DLGAP4: variants seen among roughly 807,000 people sequenced by gnomAD.
DLGAP4 encodes DLG associated protein 4.
In DLGAP4, 18 loss-of-function variants were observed where a neutral mutation model predicts 86.9. The ratio of observed to expected loss-of-function variants is 0.21; its 90% CI spans 0.14 to 0.31. DLGAP4 has a LOEUF of 0.31. Ranked by LOEUF, DLGAP4 falls within the 10% of genes least tolerant of loss-of-function variation. The probability of loss-of-function intolerance (pLI) is 1.00; values close to 1 mark genes in which losing one functional copy is unlikely to be tolerated. For synonymous variants in DLGAP4, 548 were observed against 574.3 expected (o/e 0.95, Z 0.65); for missense variants, 1,085 against 1,362.6 (o/e 0.80, Z 3.21).
intron 1 of DLGAP4, among the ~76,000 whole-genome samples, chr20:36,354,893 G>A (rs1407614268): frequency 2.0e-5 from 3 of 151,878 alleles, no homozygotes; most frequent in Admixed American, 6.6e-5. Context: ...AGTGAGCTAT[G>A]ATCACCCCAC....
At chr20:36,520,735 T>C (rs1262408142) in intron 10 of DLGAP4, among the ~76,000 whole-genome samples, 1 of 144,964 alleles carries the variant, frequency 6.9e-6, no homozygotes, top group Non-Finnish European at 1.5e-5. Flanking sequence ...CTTTATCTGC[T>C]TTTTTTTTTT....
At chr20:36,490,690 G>A (rs1431898573) in intron 7 of DLGAP4, among the ~76,000 whole-genome samples, 1 of 152,008 alleles carries the variant, frequency 6.6e-6, no homozygotes, top group Non-Finnish European at 1.5e-5. Context: ...AGTGTAGACC[G>A]CCTCTCCTTT....
intron 7 of DLGAP4, among the ~76,000 whole-genome samples, chr20:36,459,432 C>T (rs1600561046): frequency 6.6e-6 from 1 of 152,018 alleles, no homozygotes; most frequent in Non-Finnish European, 1.5e-5. Context: ...ATTGGAGTGC[C>T]GTGGCAGGAT....
At chr20:36,454,098 C>T (rs2147597225) in intron 7 of DLGAP4, among the ~76,000 whole-genome samples, 1 of 151,782 alleles carries the variant, frequency 6.6e-6, no homozygotes, top group South Asian at 2.1e-4. Flanking sequence ...TGGCAAAACC[C>T]CGTCTCTACT....
chr20:36,399,341 C>T (rs2032089168), intron 2 of DLGAP4, among the ~76,000 whole-genome samples: 3 of 152,248 alleles, frequency 2.0e-5, no homozygotes. Context: ...CAAGTCACTT[C>T]CACCCGAAGA....
intron 7 of DLGAP4, among the ~76,000 whole-genome samples, chr20:36,460,808 T>G (rs1279661852): frequency 6.6e-6 from 1 of 152,082 alleles, no homozygotes; most frequent in African/African-American, 2.4e-5. Flanking sequence ...ATCGTAGGTG[T>G]GCTTGTTGTT....
At chr20:36,478,139 G>A (rs1011667556) in intron 7 of DLGAP4, among the ~76,000 whole-genome samples, 3 of 152,188 alleles carry the variant, frequency 2.0e-5, no homozygotes, top group Admixed American at 2.0e-4. Context: ...TGACTTTCAT[G>A]GTGATCATCT....
intron 1 of DLGAP4, among the ~76,000 whole-genome samples, chr20:36,318,970 CCT>C (rs2065139390): frequency 6.6e-6 from 1 of 151,898 alleles, no homozygotes; most frequent in Non-Finnish European, 1.5e-5. Flanking sequence ...GAGGTGAAAC[CCT>C]GTCTCTACTA....
intron 7 of DLGAP4, among the ~76,000 whole-genome samples, chr20:36,454,086 C>T (rs1371446582): frequency 6.6e-6 from 1 of 151,814 alleles, no homozygotes; most frequent in Non-Finnish European, 1.5e-5. Flanking sequence ...GAATGGCCAA[C>T]ATGGCAAAAC....
At chr20:36,351,663 C>G (rs955224615) in intron 1 of DLGAP4, among the ~76,000 whole-genome samples, 4 of 152,118 alleles carry the variant, frequency 2.6e-5, no homozygotes, top group South Asian at 4.1e-4. Flanking sequence ...ACCAGCCCCC[C>G]TCATCTGTGG....
chr20:36,500,219 G>A lies in DLGAP4; in HGVS notation c.2120G>A (p.Ser707Asn), dbSNP rs1382507901. 3 of 1,542,338 alleles carry A rather than the reference G, an allele frequency of 1.9e-6. No homozygotes were observed. The African/African-American group carries it at 4.2e-5, about 22-fold the overall frequency. ...CACAGAAGCAGCGTCCCCTCTCACA[G>A]TATGTCCTCCCGACGGGACACAGAC... ...DDWRSSVPSH[S>N]MSSRRDTDSD... The change falls in exon 10 of 13, where the codon AGT (serine) becomes AAT (asparagine). Residue 707 changes from serine to asparagine, a missense_variant. Physicochemically the swap from Ser to Asn is conservative, Grantham distance 46. Coordinates refer to ENST00000339266, the MANE Select transcript of DLGAP4 (RefSeq NM_001365621.2). This position sits in a 1 kb window ranked among gnomAD's most constrained non-coding sequence, Gnocchi z 4.6.
Position 36,436,242 on chromosome 20 carries a change from G to T in DLGAP4, c.1133G>T (p.Ser378Ile). 6.2e-7 allele frequency: 1 copy of T among 1,605,826 alleles called. No homozygotes were observed. Among genetic ancestry groups the T allele is most frequent in the Non-Finnish European group, 8.5e-7 (1 of 1,179,486 alleles). The part of the protein sequence containing the change: ...SYIKAMGDED[S>I]DESGGSPKPS... ...ATCAAGGCCATGGGCGACGAGGACA[G>T]CGACGAGTCCGGCGGCAGCCCCAAG... Residue 378 changes from serine (S) to isoleucine (I), a missense_variant, in exon 4 of 13, where the codon AGC becomes ATC. Physicochemically the swap from Ser to Ile is moderately radical, Grantham distance 142. This residue lies in a region of DLGAP4 where 1,082 missense variants were observed against 1,344.1 expected (regional missense o/e 0.81). Coordinates refer to ENST00000339266, the MANE Select transcript of DLGAP4 (RefSeq NM_001365621.2).
At chr20:36,371,802 A>G (rs2030949814) in intron 2 of DLGAP4, among the ~76,000 whole-genome samples, 1 of 152,172 alleles carries the variant, frequency 6.6e-6, no homozygotes, top group African/African-American at 2.4e-5. Context: ...GTAGCATTAT[A>G]TCATTTCTGT....
intron 7 of DLGAP4, among the ~76,000 whole-genome samples, chr20:36,478,357 G>A (rs1429057639): frequency 6.6e-6 from 1 of 152,154 alleles, no homozygotes; most frequent in African/African-American, 2.4e-5. Context: ...TTTTACAGAT[G>A]GGTGGCAGTC....
At chr20:36,502,682 T>C (rs1382792003) in intron 10 of DLGAP4, among the ~76,000 whole-genome samples, 1 of 152,192 alleles carries the variant, frequency 6.6e-6, no homozygotes, top group Non-Finnish European at 1.5e-5. Context: ...AAAAATGAAG[T>C]TAAAAATAAT....
chr20:36,500,741 C>A lies in DLGAP4; in HGVS notation c.2512+130C>A. The stretch of plus-strand genomic sequence containing the variant: ...TTCTCTTCTTGGGCTAGTTTTTGAG[C>A]TCCCTTCTTACTTTCTTCGCATTCT... On this transcript the variant is annotated intron_variant, in intron 10 of 12. Coordinates refer to ENST00000339266, the MANE Select transcript of DLGAP4 (RefSeq NM_001365621.2). This position sits in a 1 kb window ranked among gnomAD's most constrained non-coding sequence, Gnocchi z 4.6. 1.2e-6 allele frequency: 1 copy of A among 840,416 alleles called. No individual in the cohort carries two copies. Among genetic ancestry groups the A allele is most frequent in the Non-Finnish European group, 1.7e-6 (1 of 603,114 alleles). 52.1% of individuals were successfully genotyped at this position (840,416 alleles called of 1,614,324 possible).
chr20:36,420,708 T>C (rs963863733), intron 2 of DLGAP4, among the ~76,000 whole-genome samples: 3 of 151,712 alleles, frequency 2.0e-5, no homozygotes, highest in African/African-American at 7.3e-5. Context: ...GTGTGGTAGC[T>C]CACACCTGTA....
chr20:36,499,075 C>G (rs2147773098), intron 8 of DLGAP4: 1 of 672,584 alleles, frequency 1.5e-6, no homozygotes, highest in South Asian at 2.0e-5. Context: ...GCAGGCGCCT[C>G]TGGCCTGCCC....
At chr20:36,517,420 C>T (rs962805195) in intron 10 of DLGAP4, among the ~76,000 whole-genome samples, 5 of 152,056 alleles carry the variant, frequency 3.3e-5, no homozygotes. Context: ...GCATGTGCCA[C>T]CACACCCGGT....
Sources: gnomAD v4.1 joint callset for allele counts (sites outside exome capture counted in the v4.1 genomes callset) on GRCh38, gnomAD v4.1.1 for gene constraint, gnomAD v4.1.1 regional missense constraint, Gnocchi (gnomAD v3.1) non-coding constraint, MANE v1.5 for transcripts, NCBI Gene and HGNC (gene_info 2026-07-23, HGNC 2026-07-21) for gene names.